The following PRMT8 variants were observed in gnomAD, a reference collection of about 807,000 sequenced individuals.
PRMT8 encodes protein arginine methyltransferase 8.
Under a neutral mutation model 47.1 loss-of-function variants are expected in PRMT8, and 7 were observed. The observed-to-expected ratio is 0.15, with a 90% CI of 0.08 to 0.28. The LOEUF (loss-of-function observed/expected upper bound fraction) is 0.28, where lower values mean the gene tolerates loss of function less well. Among genes scored for constraint, PRMT8 ranks in the 10% least tolerant of loss-of-function variants. The pLI is 1.00. For synonymous variants in PRMT8, 188 were observed against 186.5 expected, an observed-to-expected ratio of 1.01 and a Z score of -0.07; for missense variants, 237 against 505.4, an observed-to-expected ratio of 0.47 and a Z score of 5.09.
intron 1 of PRMT8, among the ~76,000 whole-genome samples, chr12:3,515,643 C>T (rs1865779585): frequency 6.6e-6 from 1 of 152,236 alleles, no homozygotes; most frequent in African/African-American, 2.4e-5. Flanking sequence ...TTGACAGCCA[C>T]CACACTGCAC....
intron 1 of PRMT8, among the ~76,000 whole-genome samples, chr12:3,448,677 A>T (rs1864884138): frequency 6.6e-6 from 1 of 152,184 alleles, no homozygotes; most frequent in Non-Finnish European, 1.5e-5. Flanking sequence ...AGAGAGAAAA[A>T]CATCACCCTA....
intron 1 of PRMT8, among the ~76,000 whole-genome samples, chr12:3,412,119 C>G (rs965033868): frequency 6.6e-6 from 1 of 152,214 alleles, no homozygotes; most frequent in African/African-American, 2.4e-5. Flanking sequence ...TAACCGACTG[C>G]ACACCTAGGC....
intron 1 of PRMT8, among the ~76,000 whole-genome samples, chr12:3,463,945 T>A (rs891996264): frequency 1.3e-5 from 2 of 152,198 alleles, no homozygotes; most frequent in Non-Finnish European, 2.9e-5. Context: ...ATAGCAAAGT[T>A]AAAGGTACCA....
intron 1 of PRMT8, among the ~76,000 whole-genome samples, chr12:3,382,698 A>G (rs939547068): frequency 2.0e-5 from 3 of 152,230 alleles, no homozygotes; most frequent in African/African-American, 7.2e-5. Flanking sequence ...GATTTCTCAC[A>G]GAACAAAAGT....
chr12:3,480,651 T>TCC (rs5796056), intron 1 of PRMT8, among the ~76,000 whole-genome samples: 2 of 151,798 alleles, frequency 1.3e-5, no homozygotes, highest in Non-Finnish European at 2.9e-5. Context: ...CAGTGCTTCC[T>TCC]CCCCCCACCG....
chr12:3,510,893 T>G (rs1865702406), intron 1 of PRMT8, among the ~76,000 whole-genome samples: 1 of 152,112 alleles, frequency 6.6e-6, no homozygotes, highest in Admixed American at 6.5e-5. Flanking sequence ...TCCTTACACA[T>G]TCACTCCAGT....
At chr12:3,394,367 T>C (rs2137047219) in intron 1 of PRMT8, among the ~76,000 whole-genome samples, 1 of 152,298 alleles carries the variant, frequency 6.6e-6, no homozygotes, top group Non-Finnish European at 1.5e-5. Context: ...TAGCTCTTAT[T>C]ATTTTGAAAT....
At chr12:3,519,453 G>A (rs1380848680) in intron 1 of PRMT8, among the ~76,000 whole-genome samples, 1 of 152,196 alleles carries the variant, frequency 6.6e-6, no homozygotes, top group East Asian at 1.9e-4. Flanking sequence ...GGCCACTGAG[G>A]CGGGACAGGG....
intron 1 of PRMT8, among the ~76,000 whole-genome samples, chr12:3,407,307 G>A (rs1049194073): frequency 5.3e-5 from 8 of 152,140 alleles, no homozygotes; most frequent in Non-Finnish European, 1.0e-4. Flanking sequence ...TGGGGACACA[G>A]CCAAACCATA....
At chr12:3,571,238 C>T (rs943483246) in intron 6 of PRMT8, among the ~76,000 whole-genome samples, 1 of 152,216 alleles carries the variant, frequency 6.6e-6, no homozygotes, top group Non-Finnish European at 1.5e-5. Flanking sequence ...CAGATGTACT[C>T]TCATGGAAGA....
rs1591609738 is a variant in PRMT8 at position 3,572,469 on chromosome 12, G to A, written c.712+2905G>A. ...ACACCCTGCTGAGAATGAGAGAGATGGGCACCAGTTTCTTGGCTGATGAGA... is the reference window on the plus strand; with the variant it reads ...ACACCCTGCTGAGAATGAGAGAGATAGGCACCAGTTTCTTGGCTGATGAGA... On this transcript the variant is annotated intron_variant, in intron 6 of 9. Transcript: ENST00000382622. This position sits in a 1 kb window ranked among gnomAD's most constrained non-coding sequence, Gnocchi z 5.9. 2.0e-5 allele frequency among the ~76,000 whole-genome samples: 3 copies of A among 152,220 alleles called. No homozygotes were observed. Among genetic ancestry groups the A allele is most frequent in the African/African-American group, 7.2e-5 (3 of 41,540 alleles).
At chr12:3,530,254 C>T (rs557571422) in intron 1 of PRMT8, among the ~76,000 whole-genome samples, 1 of 152,250 alleles carries the variant, frequency 6.6e-6, no homozygotes, top group South Asian at 2.1e-4. Flanking sequence ...CTTCACTCGA[C>T]TATAATAATA....
Position 3,593,447 on chromosome 12 carries a change from C to A in PRMT8, c.*265C>A. 1 of 467,670 alleles carries A rather than the reference C, an allele frequency of 2.1e-6. No homozygotes were observed. The highest frequency in any genetic ancestry group is 3.8e-6 in the Non-Finnish European group (1 of 263,644). The allele number at this position is 467,670 out of a possible 1,614,324, so 29.0% of individuals were successfully genotyped here. On this transcript the variant is annotated 3_prime_UTR_variant, in exon 10 of 10. Coordinates refer to ENST00000382622, the MANE Select transcript of PRMT8 (RefSeq NM_019854.5). The surrounding 1 kb of genome is among the most constrained non-coding windows in gnomAD (Gnocchi z 4.8). Reference sequence around the variant, plus strand: ...CGACCTGGCGTGCTGTGGCTGGGCCCCGAGGGTGGAAACGTATTCGCGTCT... The same window carrying A: ...CGACCTGGCGTGCTGTGGCTGGGCCACGAGGGTGGAAACGTATTCGCGTCT...
chr12:3,434,968 C>CT (rs398044252), intron 1 of PRMT8, among the ~76,000 whole-genome samples: 3,109 of 130,666 alleles, frequency 0.024, 103 homozygotes, highest in African/African-American at 0.064. Context: ...TTGCTTTGCT[C>CT]TTTTTTTTTT....
At chr12:3,479,413 G>A (rs983652578) in intron 1 of PRMT8, among the ~76,000 whole-genome samples, 3 of 152,158 alleles carry the variant, frequency 2.0e-5, no homozygotes, top group African/African-American at 7.2e-5. Flanking sequence ...GTTCAAAAAA[G>A]CCCCATGGAC....
Position 3,580,924 on chromosome 12 carries a change from G to A in PRMT8, c.829-2134G>A, listed in dbSNP as rs957192826. On this transcript the variant is annotated intron_variant, in intron 7 of 9. Coordinates refer to ENST00000382622, the MANE Select transcript of PRMT8 (RefSeq NM_019854.5). The surrounding 1 kb of genome is among the most constrained non-coding windows in gnomAD (Gnocchi z 4.6). The stretch of plus-strand genomic sequence containing the variant: ...GGACAGCATGTGGCCATGTGGCTGG[G>A]AGGGATAATGAGCATTATGAAGGCT... Among the ~76,000 whole-genome samples the A allele has an allele frequency of 6.6e-6, 1 of 152,228 alleles. No individual in the cohort carries two copies. The highest frequency in any genetic ancestry group is 2.4e-5 in the African/African-American group (1 of 41,462).
At position 3,580,536 on chromosome 12, in the gene PRMT8, GAGA is replaced by G. The variant is rs781674788; in HGVS notation, c.829-2515_829-2513del. 7.9e-5 allele frequency among the ~76,000 whole-genome samples: 12 copies of G among 152,292 alleles called. No individual in the cohort carries two copies. The highest frequency in any genetic ancestry group is 2.1e-4 in the South Asian group (1 of 4,828). ...GTCTTCAAGCAGGGAGACCTGTTCT[GAGA>G]AGAAGATTGATGAGTCAACACATAT... On this transcript the variant is annotated intron_variant, in intron 7 of 9. Coordinates refer to ENST00000382622, the MANE Select transcript of PRMT8 (RefSeq NM_019854.5). This position sits in a 1 kb window ranked among gnomAD's most constrained non-coding sequence, Gnocchi z 4.6.
chr12:3,486,952 C>T (rs988293189), upstream of PRMT8, among the ~76,000 whole-genome samples: 3 of 152,160 alleles, frequency 2.0e-5, no homozygotes, highest in Non-Finnish European at 2.9e-5. Context: ...TGGCACTCAG[C>T]GAGTTGTTCT....
chr12:3,449,311 T>C (rs1410372906), intron 1 of PRMT8, among the ~76,000 whole-genome samples: 1 of 152,234 alleles, frequency 6.6e-6, no homozygotes, highest in Non-Finnish European at 1.5e-5. Flanking sequence ...GGAATTGCCA[T>C]ACTGTCTTCC....
Sources: gnomAD v4.1 joint callset for allele counts (sites outside exome capture counted in the v4.1 genomes callset) on GRCh38, gnomAD v4.1.1 for gene constraint, Gnocchi (gnomAD v3.1) non-coding constraint, MANE v1.5 for transcripts, NCBI Gene and HGNC (gene_info 2026-07-23, HGNC 2026-07-21) for gene names.